The following CD36 variants were observed in gnomAD, a reference collection of about 807,000 sequenced individuals.
The protein encoded by CD36 is platelet glycoprotein 4.
A neutral mutation model predicts 55.2 loss-of-function variants in CD36; 119 were observed. The ratio of observed to expected loss-of-function variants is 2.15; its 90% CI spans 1.86 to 2.51. CD36 has a LOEUF of 2.51. Ranked by LOEUF, CD36 falls within the 30% of genes most tolerant of loss-of-function variation. The pLI is 0.00. For synonymous variants in CD36, 186 were observed against 193.6 expected, an observed-to-expected ratio of 0.96 and a Z score of 0.33; for missense variants, 819 against 555.5, an observed-to-expected ratio of 1.47 and a Z score of -4.77.
At position 80,670,212 on chromosome 7, in the gene CD36, A is replaced by G. The variant is rs564474467; in HGVS notation, c.818+190A>G. 2.6e-3 allele frequency: 1,516 copies of G among 588,804 alleles called. 6 individuals are homozygous for G. Among genetic ancestry groups the G allele is most frequent in the Middle Eastern group, 6.1e-3 (14 of 2,296 alleles). 36.5% of individuals were successfully genotyped at this position (588,804 alleles called of 1,614,324 possible). ...TTTTTTTGCCATTTCTATCTAAGCA[A>G]GAACCATTTTGCCTTTTAAAAACTA... On this transcript the variant is annotated intron_variant, in intron 9 of 14. Coordinates refer to ENST00000447544, the MANE Select transcript of CD36 (RefSeq NM_001001548.3).
chr7:80,606,445 A>T (rs1792554530), intron 1 of CD36, among the ~76,000 whole-genome samples: 1 of 152,208 alleles, frequency 6.6e-6, no homozygotes, highest in African/African-American at 2.4e-5. Flanking sequence ...AATTTACAAG[A>T]CGCTAAATAT....
chr7:80,649,614 C>A (rs1259199005), intron 3 of CD36, among the ~76,000 whole-genome samples: 2 of 151,954 alleles, frequency 1.3e-5, no homozygotes, highest in Non-Finnish European at 2.9e-5. Flanking sequence ...TATGTATATA[C>A]CTTACAAAGT....
At chr7:80,642,457 A>T (rs1043177289) in intron 1 of CD36, among the ~76,000 whole-genome samples, 1 of 152,136 alleles carries the variant, frequency 6.6e-6, no homozygotes, top group Non-Finnish European at 1.5e-5. Context: ...TAGGTGGAAA[A>T]GCTGTGTGAC....
chr7:80,620,312 G>A (rs1562774090), intron 1 of CD36, among the ~76,000 whole-genome samples: 1 of 152,052 alleles, frequency 6.6e-6, no homozygotes, highest in Non-Finnish European at 1.5e-5. Flanking sequence ...TTCAACACTA[G>A]TCACAAGTCC....
chr7:80,628,942 GA>G (rs1209908417), intron 1 of CD36, among the ~76,000 whole-genome samples: 5 of 152,052 alleles, frequency 3.3e-5, no homozygotes, highest in Non-Finnish European at 7.4e-5. Context: ...CTTCTCCAAA[GA>G]AGGCAATCAG....
At chr7:80,620,878 T>C (rs1043063843) in intron 1 of CD36, among the ~76,000 whole-genome samples, 6 of 152,236 alleles carry the variant, frequency 3.9e-5, no homozygotes, top group African/African-American at 7.2e-5. Flanking sequence ...TTTATAATAT[T>C]ACATAAAGTT....
chr7:80,661,194 T>C lies in CD36; in HGVS notation c.413T>C (p.Leu138Pro). The change falls in exon 5 of 15, where the codon CTC becomes CCC. Residue 138 changes from leucine to proline, a missense_variant. Transcript: ENST00000447544. ...ACAGAGGCTGACAACTTCACAGTTC[T>C]CAATCTGGCTGTGGCAGTGAGTAGA... The part of the protein sequence containing the change: ...VGTEADNFTV[L>P]NLAVAAASHI... The C allele has an allele frequency of 6.2e-7, 1 of 1,614,032 alleles. No homozygotes were observed. The highest frequency in any genetic ancestry group is 8.5e-7 in the Non-Finnish European group (1 of 1,179,930).
intron 3 of CD36, among the ~76,000 whole-genome samples, chr7:80,650,930 A>AG (rs1485428604): frequency 6.6e-6 from 1 of 151,454 alleles, no homozygotes; most frequent in Non-Finnish European, 1.5e-5. Flanking sequence ...AGTCTTTCAA[A>AG]AAAAAAAAAA....
In CD36 at chr7:80,674,150, A is replaced by T; in HGVS notation, c.*3A>T. 4.4e-6 allele frequency: 7 copies of T among 1,601,046 alleles called. No homozygotes were observed. The highest frequency in any genetic ancestry group is 6.0e-6 in the Non-Finnish European group (7 of 1,169,166). On this transcript the variant is annotated splice_donor_region_variant and intron_variant, in intron 14 of 14. Coordinates refer to ENST00000447544, the MANE Select transcript of CD36 (RefSeq NM_001001548.3). ...GCAGATCGAAAACAATAAAATAAGT[A>T]AGTATGTACCAAAAAATATTGCTTC...
rs1213791400 is a variant in CD36, at chr7:80,673,967, A to G, written c.1255-16A>G. The stretch of plus-strand genomic sequence containing the variant: ...CTAACGTACCCAAATAATGTTGATT[A>G]TTAACTTGATTACAGACTGGGACCA... On this transcript the variant is annotated splice_polypyrimidine_tract_variant and intron_variant, in intron 13 of 14. Coordinates refer to ENST00000447544, the MANE Select transcript of CD36 (RefSeq NM_001001548.3). 1 of 1,604,720 alleles carries G rather than the reference A, an allele frequency of 6.2e-7. No homozygotes were observed. The highest frequency in any genetic ancestry group is 2.2e-5 in the East Asian group (1 of 44,544).
chr7:80,645,229 G>A (rs1039978426), intron 1 of CD36, among the ~76,000 whole-genome samples: 37 of 151,140 alleles, frequency 2.4e-4, no homozygotes, highest in African/African-American at 1.2e-4. Flanking sequence ...TGTGTTGGTC[G>A]GGCTGGTCTC....
intron 3 of CD36, among the ~76,000 whole-genome samples, chr7:80,656,105 A>G (rs1199062009): frequency 2.0e-5 from 3 of 152,168 alleles, no homozygotes; most frequent in Non-Finnish European, 4.4e-5. Context: ...TTCCAATACC[A>G]TTAGATTTTT....
intron 1 of CD36, among the ~76,000 whole-genome samples, chr7:80,626,441 C>G (rs1338261133): frequency 6.6e-6 from 1 of 152,004 alleles, no homozygotes; most frequent in Non-Finnish European, 1.5e-5. Flanking sequence ...TAGCTTAAAT[C>G]TACAGAATGT....
At position 80,672,991 on chromosome 7, in the gene CD36, G is replaced by A. The variant is rs545670178; in HGVS notation, c.1199+148G>A. On this transcript the variant is annotated intron_variant, in intron 12 of 14. Coordinates refer to ENST00000447544, the MANE Select transcript of CD36 (RefSeq NM_001001548.3). ...TTAATGTCACCAATCATTATTAAAT[G>A]CTTATGACTAATTTCACAGATTTTG... 1.6e-4 allele frequency: 108 copies of A among 657,450 alleles called. No homozygotes were observed. The African/African-American group carries it at 1.8e-3, about 11-fold the overall frequency. 40.7% of individuals were successfully genotyped at this position (657,450 alleles called of 1,614,324 possible).
At chr7:80,658,110 G>A (rs530640441) in intron 4 of CD36, among the ~76,000 whole-genome samples, 1 of 152,238 alleles carries the variant, frequency 6.6e-6, no homozygotes, top group South Asian at 2.1e-4. Context: ...GTCTCTGTGC[G>A]CATCTGTGAC....
At chr7:80,668,934 G>A (rs994528038) in intron 8 of CD36, among the ~76,000 whole-genome samples, 7 of 152,284 alleles carry the variant, frequency 4.6e-5, no homozygotes, top group African/African-American at 1.4e-4. Context: ...TGTTTGCCAT[G>A]GATCATAGCT....
At chr7:80,619,575 A>G (rs1026891622) in intron 1 of CD36, among the ~76,000 whole-genome samples, 2 of 147,938 alleles carry the variant, frequency 1.4e-5, no homozygotes, top group African/African-American at 4.9e-5. Context: ...TGAACCCAGG[A>G]GGCAGAGATT....
At chr7:80,635,485 A>G (rs945263330), upstream of CD36, among the ~76,000 whole-genome samples, 1 of 151,902 alleles carries the variant, frequency 6.6e-6, no homozygotes, top group Admixed American at 6.6e-5. Context: ...ATGTTGGTCA[A>G]GCTACTCTCG....
At position 80,608,216 on chromosome 7, in the gene CD36, A is replaced by C. The variant is rs139200471; in HGVS notation, c.-184+5837A>C. On this transcript the variant is annotated intron_variant, in intron 1 of 13. Coordinates refer to the CD36 transcript ENST00000309881. ...ATCCCCTGCAAATTATTTTAAAATA[A>C]AATGGTTAAATTTTAATAGCTATTT... Among the ~76,000 whole-genome samples the C allele has an allele frequency of 7.8e-3, 1,189 of 152,318 alleles. 7 individuals are homozygous for C. The highest frequency in any genetic ancestry group is 0.034 in the Middle Eastern group (10 of 294).
Sources: gnomAD v4.1 joint callset for allele counts (sites outside exome capture counted in the v4.1 genomes callset) on GRCh38, gnomAD v4.1.1 for gene constraint, MANE v1.5 for transcripts, NCBI Gene and HGNC (gene_info 2026-07-23, HGNC 2026-07-21) for gene names.